GALNTL6: variants seen among roughly 807,000 people sequenced by gnomAD.
GALNTL6 encodes polypeptide N-acetylgalactosaminyltransferase like 6, also known as polypeptide N-acetylgalactosaminyltransferase-like 6.
GALNTL6 carries 46 observed loss-of-function variants against 73.7 expected under a neutral mutation model. The observed-to-expected ratio is 0.62, with a 90% CI of 0.49 to 0.80. The LOEUF is 0.80. Ranked by LOEUF, GALNTL6 falls within the 30% of genes least tolerant of loss-of-function variation. The probability of loss-of-function intolerance (pLI) is 0.00; values close to 1 mark genes in which losing one functional copy is unlikely to be tolerated. For missense variants in GALNTL6, 604 were observed against 755.0 expected (o/e 0.80, Z 2.34); for synonymous variants, 259 against 263.7 (o/e 0.98, Z 0.17).
chr4:172,584,960 C>T (rs1737343613), intron 5 of GALNTL6, among the ~76,000 whole-genome samples: 1 of 152,092 alleles, frequency 6.6e-6, no homozygotes, highest in South Asian at 2.1e-4. Context: ...TACTAAATGC[C>T]TGAGCAGTAC....
At chr4:172,078,026 CT>C (rs1028788503) in intron 2 of GALNTL6, among the ~76,000 whole-genome samples, 1 of 152,148 alleles carries the variant, frequency 6.6e-6, no homozygotes, top group African/African-American at 2.4e-5. Flanking sequence ...GCCTTGGTGG[CT>C]TCCATGTGGT....
chr4:171,921,718 G>C (rs1353604598), intron 2 of GALNTL6, among the ~76,000 whole-genome samples: 1 of 151,804 alleles, frequency 6.6e-6, no homozygotes, highest in East Asian at 1.9e-4. Flanking sequence ...TAAGTTGATG[G>C]TGCTCTCACT....
chr4:171,843,487 A>C (rs1426997133), intron 2 of GALNTL6, among the ~76,000 whole-genome samples: 3 of 152,186 alleles, frequency 2.0e-5, no homozygotes, highest in African/African-American at 2.4e-5. Flanking sequence ...TGCCAAAAAA[A>C]AAACAATTTA....
intron 5 of GALNTL6, among the ~76,000 whole-genome samples, chr4:172,723,910 CTGATA>C (rs1470406178): frequency 2.0e-5 from 3 of 152,176 alleles, no homozygotes; most frequent in South Asian, 2.1e-4. Flanking sequence ...TACAGGTTCA[CTGATA>C]TGATATATCA....
At chr4:172,678,636 C>T (rs982006222) in intron 5 of GALNTL6, among the ~76,000 whole-genome samples, 15 of 152,180 alleles carry the variant, frequency 9.9e-5, no homozygotes, top group African/African-American at 3.4e-4. Context: ...ATCTTCTTTT[C>T]CATACATTGA....
chr4:172,568,290 C>T (rs7663338), intron 5 of GALNTL6, among the ~76,000 whole-genome samples: 72,206 of 151,800 alleles, frequency 0.48, 18,900 homozygotes, highest in East Asian at 0.67. Flanking sequence ...TGGAATAGAA[C>T]TTGGCGGCTG....
intron 8 of GALNTL6, among the ~76,000 whole-genome samples, chr4:172,926,205 T>C (rs896833814): frequency 2.6e-5 from 4 of 152,142 alleles, no homozygotes; most frequent in African/African-American, 9.7e-5. Context: ...GAGAGAGCTC[T>C]CTGGGGTCTC....
intron 2 of GALNTL6, among the ~76,000 whole-genome samples, chr4:172,005,374 G>T (rs1295556939): frequency 6.6e-6 from 1 of 152,062 alleles, no homozygotes. Flanking sequence ...GGATCCACCT[G>T]CCTCTGCCTC....
At chr4:172,430,500 A>T (rs1176946672) in intron 5 of GALNTL6, among the ~76,000 whole-genome samples, 2 of 152,188 alleles carry the variant, frequency 1.3e-5, no homozygotes, top group African/African-American at 4.8e-5. Context: ...ACTCAAGTAA[A>T]TTAATTGGTT....
intron 7 of GALNTL6, among the ~76,000 whole-genome samples, chr4:172,858,605 G>A (rs1289171364): frequency 6.6e-6 from 1 of 152,224 alleles, no homozygotes; most frequent in Non-Finnish European, 1.5e-5. Flanking sequence ...CGAGGTGGGT[G>A]GATCACTTGA....
chr4:172,390,335 ATGTTACAGTAATGCTC>A (rs774887722), intron 5 of GALNTL6, among the ~76,000 whole-genome samples: 1,727 of 152,334 alleles, frequency 0.011, 11 homozygotes, highest in Middle Eastern at 0.024. Flanking sequence ...AACAAAAACC[ATGTTACAGTAATGCTC>A]CCTTACTCAT....
chr4:171,917,791 CAACCAATA>C, intron 2 of GALNTL6, among the ~76,000 whole-genome samples: 1 of 152,086 alleles, frequency 6.6e-6, no homozygotes, highest in South Asian at 2.1e-4. Context: ...GATGTAGAAA[CAACCAATA>C]CAAGTGGAAT....
At chr4:172,870,079 A>T (rs1274273959) in intron 7 of GALNTL6, among the ~76,000 whole-genome samples, 1 of 148,372 alleles carries the variant, frequency 6.7e-6, no homozygotes, top group East Asian at 1.9e-4. Context: ...CATCATCATC[A>T]TCATCATCAT....
chr4:172,884,622 TTGA>T (rs749218132), intron 8 of GALNTL6, among the ~76,000 whole-genome samples: 2 of 152,206 alleles, frequency 1.3e-5, no homozygotes, highest in African/African-American at 2.4e-5. Flanking sequence ...ACTTTCTAGC[TTGA>T]TGTAAATTTG....
chr4:172,978,169 A>AG (rs1345149643), intron 10 of GALNTL6, among the ~76,000 whole-genome samples: 2 of 152,198 alleles, frequency 1.3e-5, no homozygotes, highest in Admixed American at 1.3e-4. Flanking sequence ...GTCTGAGAAT[A>AG]GGTAAAATAA....
intron 5 of GALNTL6, among the ~76,000 whole-genome samples, chr4:172,438,348 C>A (rs1486751117): frequency 1.3e-5 from 2 of 151,964 alleles, no homozygotes; most frequent in Non-Finnish European, 2.9e-5. Context: ...ACCTCACTTT[C>A]ATTATCCAGC....
intron 2 of GALNTL6, among the ~76,000 whole-genome samples, chr4:171,886,612 G>A (rs141424416): frequency 6.6e-6 from 1 of 152,304 alleles, no homozygotes; most frequent in African/African-American, 2.4e-5. Context: ...CCACGTGGCT[G>A]TGGTGGCCTC....
intron 5 of GALNTL6, among the ~76,000 whole-genome samples, chr4:172,441,288 A>G (rs1731829332): frequency 1.3e-5 from 2 of 152,114 alleles, no homozygotes; most frequent in Admixed American, 1.3e-4. Flanking sequence ...TATTATTTTC[A>G]TTGCTATAGT....
chr4:172,394,121 G>A (rs1743762562), intron 5 of GALNTL6, among the ~76,000 whole-genome samples: 1 of 151,914 alleles, frequency 6.6e-6, no homozygotes, highest in African/African-American at 2.4e-5. Flanking sequence ...ATTTTGTTGA[G>A]TTTCTTTACA....
Sources: allele counts gnomAD v4.1 joint callset (sites outside exome capture counted in the v4.1 genomes callset), GRCh38; gene constraint gnomAD v4.1.1; transcripts MANE v1.5; gene names NCBI Gene and HGNC (gene_info 2026-07-23, HGNC 2026-07-21).